The following CLIC5 variants were observed in gnomAD, a reference collection of about 807,000 sequenced individuals.
CLIC5 encodes the protein chloride intracellular channel protein 5.
Under a neutral mutation model 24.7 loss-of-function variants are expected in CLIC5, and 20 were observed. The observed-to-expected ratio is 0.81, with a 90% CI of 0.57 to 1.18. The LOEUF (loss-of-function observed/expected upper bound fraction) is 1.18, where lower values mean the gene tolerates loss of function less well. Ranked by LOEUF, CLIC5 falls within the 50% of genes most tolerant of loss-of-function variation. CLIC5 has a pLI of 0.00. For missense variants in CLIC5, 341 were observed against 326.1 expected (o/e 1.05, Z -0.35); for synonymous variants, 159 against 135.6 (o/e 1.17, Z -1.20).
intron 1 of CLIC5, among the ~76,000 whole-genome samples, chr6:46,021,497 A>G (rs984110053): frequency 5.3e-5 from 8 of 152,226 alleles, no homozygotes; most frequent in Admixed American, 5.2e-4. Context: ...TTACAAAAGT[A>G]TTATTCATAA....
At chr6:45,958,449 T>TACACACACAC (rs1561964569) in intron 1 of CLIC5, among the ~76,000 whole-genome samples, 6 of 24,256 alleles carry the variant, frequency 2.5e-4, no homozygotes, top group Admixed American at 4.4e-4. Context: ...TATATATATA[T>TACACACACAC]ATATATATAT....
At chr6:45,944,274 T>A (rs1226553478) in intron 3 of CLIC5, among the ~76,000 whole-genome samples, 1 of 152,056 alleles carries the variant, frequency 6.6e-6, no homozygotes, top group South Asian at 2.1e-4. Flanking sequence ...GAAATTCAAA[T>A]TTCAGTGTTC....
At chr6:46,059,100 C>T (rs1381542022) in intron 1 of CLIC5, among the ~76,000 whole-genome samples, 1 of 152,210 alleles carries the variant, frequency 6.6e-6, no homozygotes, top group Non-Finnish European at 1.5e-5. Flanking sequence ...AGTAGAAATC[C>T]TGTGAGCTTC....
intron 1 of CLIC5, among the ~76,000 whole-genome samples, chr6:45,988,580 C>T (rs1765821363): frequency 6.6e-6 from 1 of 152,208 alleles, no homozygotes. Context: ...AGCATGAATC[C>T]CTGTGGCTAC....
the CLIC5 span, among the ~76,000 whole-genome samples, chr6:46,108,661 G>T: frequency 2.0e-5 from 3 of 152,094 alleles, no homozygotes; most frequent in Non-Finnish European, 4.4e-5. Flanking sequence ...ACCTCCCAAA[G>T]TGCTGAGATT....
chr6:45,947,526 C>T lies in CLIC5; in HGVS notation c.299+1730G>A, dbSNP rs955741645. Among the ~76,000 whole-genome samples, 23 of 152,118 alleles carry T rather than the reference C, an allele frequency of 1.5e-4. No homozygotes were observed. The East Asian group carries it at 3.9e-3, about 26-fold the overall frequency. On this transcript the variant is annotated intron_variant, in intron 3 of 5. Coordinates refer to ENST00000339561, the MANE Select transcript of CLIC5 (RefSeq NM_016929.5). ...AGACCAAATGGGCCCCTCTGCTCCT[C>T]ACTGCTTCCACTTTCCACTTCCTAA...
the CLIC5 span, among the ~76,000 whole-genome samples, chr6:46,113,784 G>A: frequency 2.0e-5 from 3 of 152,144 alleles, no homozygotes; most frequent in African/African-American, 4.8e-5. Flanking sequence ...GGCCACAGAG[G>A]TTGGCCCCAA....
chr6:46,037,523 T>C (rs960746167), intron 1 of CLIC5, among the ~76,000 whole-genome samples: 5 of 152,232 alleles, frequency 3.3e-5, no homozygotes, highest in Admixed American at 2.6e-4. Context: ...TTAAACTTCC[T>C]GATTTCCTTT....
At chr6:46,045,924 A>T (rs1460654870) in intron 1 of CLIC5, among the ~76,000 whole-genome samples, 3 of 150,272 alleles carry the variant, frequency 2.0e-5, no homozygotes, top group Non-Finnish European at 3.0e-5. Context: ...AACGCACATG[A>T]ACATAAGCAT....
At chr6:45,930,137 C>A (rs1763672251) in intron 4 of CLIC5, among the ~76,000 whole-genome samples, 1 of 152,164 alleles carries the variant, frequency 6.6e-6, no homozygotes, top group Admixed American at 6.5e-5. Flanking sequence ...CTGTCCCTCA[C>A]CCTCCTCCCC....
chr6:46,005,844 C>A (rs1484735035), intron 1 of CLIC5, among the ~76,000 whole-genome samples: 3 of 151,702 alleles, frequency 2.0e-5, no homozygotes, highest in African/African-American at 7.3e-5. Context: ...CCTCACCAGA[C>A]ACCAAATCTA....
intron 1 of CLIC5, among the ~76,000 whole-genome samples, chr6:45,973,233 G>T (rs1765263002): frequency 6.6e-6 from 1 of 152,124 alleles, no homozygotes; most frequent in Non-Finnish European, 1.5e-5. Flanking sequence ...TACCTCCAGG[G>T]GTTAAGTTAT....
intron 4 of CLIC5, chr6:45,919,218 C>T (rs1030406386): frequency 8.6e-6 from 5 of 582,408 alleles, no homozygotes; most frequent in Non-Finnish European, 1.1e-5. Flanking sequence ...CCTCCTTGCT[C>T]TCCTTCCTGA....
chr6:45,962,914 C>A (rs900716625), intron 1 of CLIC5, among the ~76,000 whole-genome samples: 1 of 152,210 alleles, frequency 6.6e-6, no homozygotes, highest in Non-Finnish European at 1.5e-5. Context: ...CTGCCTTGAG[C>A]TTTACGTCCA....
intron 1 of CLIC5, among the ~76,000 whole-genome samples, chr6:46,008,658 T>C (rs1023202472): frequency 1.3e-5 from 2 of 152,196 alleles, no homozygotes; most frequent in Non-Finnish European, 1.5e-5. Flanking sequence ...ACATTCTTTA[T>C]CTTACTATCT....
At chr6:46,067,234 C>A (rs1762467619) in intron 1 of CLIC5, among the ~76,000 whole-genome samples, 1 of 151,964 alleles carries the variant, frequency 6.6e-6, no homozygotes, top group Non-Finnish European at 1.5e-5. Context: ...CTCAGTGCCC[C>A]CACAGGACAC....
chr6:45,943,242 T>G (rs1045416614), intron 3 of CLIC5, among the ~76,000 whole-genome samples: 4 of 152,238 alleles, frequency 2.6e-5, no homozygotes, highest in African/African-American at 9.6e-5. Context: ...GGTTTTAAAT[T>G]CCACATTGTG....
chr6:46,067,122 G>A (rs964990343), intron 1 of CLIC5, among the ~76,000 whole-genome samples: 19 of 152,074 alleles, frequency 1.2e-4, no homozygotes, highest in Admixed American at 5.2e-4. Context: ...CGTTCCAAGG[G>A]ATGGTCTTTA....
rs1762527155 is a variant in CLIC5, at chr6:45,902,176, A to T, written c.*912T>A. ...ATAAAGAACTCTTTTGTCTTCACCC[A>T]TCTCTCCTCCTCCCACTCCCATCCA... On this transcript the variant is annotated 3_prime_UTR_variant, in exon 6 of 6. Transcript: ENST00000339561. The T allele has an allele frequency of 6.5e-6, 1 of 152,782 alleles. No individual in the cohort carries two copies. The highest frequency in any genetic ancestry group is 2.4e-5 in the African/African-American group (1 of 41,438). The allele number at this position is 152,782 out of a possible 1,614,324, so 9.5% of individuals were successfully genotyped here. A position where few individuals can be genotyped will look rare whatever the true frequency, so the allele number is the denominator to read the frequency against.
Sources: allele counts gnomAD v4.1 joint callset (sites outside exome capture counted in the v4.1 genomes callset), GRCh38; gene constraint gnomAD v4.1.1; transcripts MANE v1.5; gene names NCBI Gene and HGNC (gene_info 2026-07-23, HGNC 2026-07-21).